Variants in PEAK1 observed in about 807,000 individuals in gnomAD.
PEAK1 encodes the protein pseudopodium enriched atypical kinase 1, also known as inactive tyrosine-protein kinase PEAK1.
PEAK1 carries 54 observed loss-of-function variants against 124.7 expected under a neutral mutation model. The observed-to-expected ratio is 0.43, with a 90% CI of 0.35 to 0.54. The LOEUF is 0.54. PEAK1 is among the 20% of genes least tolerant of loss of function. The pLI is 0.01. For synonymous variants in PEAK1, 719 were observed against 760.0 expected (o/e 0.95, Z 0.89); for missense variants, 2,046 against 2,134.5 (o/e 0.96, Z 0.82).
At chr15:77,184,003 T>C (rs951415602) in intron 6 of PEAK1, among the ~76,000 whole-genome samples, 1 of 150,438 alleles carries the variant, frequency 6.6e-6, no homozygotes, top group Admixed American at 6.9e-5. Context: ...AATTTTTCTA[T>C]TTTTTTTATA....
chr15:77,409,987 G>A (rs1244944164), intron 1 of PEAK1, among the ~76,000 whole-genome samples: 1 of 152,004 alleles, frequency 6.6e-6, no homozygotes, highest in Non-Finnish European at 1.5e-5. Flanking sequence ...TAGAATTCTT[G>A]ACTATTCTTG....
intron 1 of PEAK1, among the ~76,000 whole-genome samples, chr15:77,377,157 A>C (rs970090041): frequency 2.6e-5 from 4 of 152,182 alleles, no homozygotes; most frequent in Non-Finnish European, 5.9e-5. Flanking sequence ...GACCAAGGTG[A>C]GAGGATCACT....
intron 5 of PEAK1, among the ~76,000 whole-genome samples, chr15:77,265,732 T>C (rs1279923102): frequency 2.0e-5 from 3 of 151,976 alleles, no homozygotes; most frequent in Non-Finnish European, 4.4e-5. Context: ...GAAATACCAT[T>C]TGACCCAGCC....
intron 1 of PEAK1, among the ~76,000 whole-genome samples, chr15:77,377,941 T>C (rs1229442996): frequency 6.6e-6 from 1 of 152,118 alleles, no homozygotes; most frequent in Non-Finnish European, 1.5e-5. Flanking sequence ...TTACTTCACC[T>C]AATAAAACTT....
At chr15:77,302,880 T>C (rs1373151316) in intron 2 of PEAK1, among the ~76,000 whole-genome samples, 2 of 152,188 alleles carry the variant, frequency 1.3e-5, no homozygotes, top group Non-Finnish European at 2.9e-5. Context: ...AGTATCATAC[T>C]TATCACCCTA....
intron 5 of PEAK1, among the ~76,000 whole-genome samples, chr15:77,259,921 A>G (rs776339615): frequency 1.3e-5 from 2 of 152,182 alleles, no homozygotes; most frequent in Non-Finnish European, 2.9e-5. Flanking sequence ...AATTCCAGAG[A>G]AGAGGGAGAC....
chr15:77,283,080 C>T (rs1168884009), intron 5 of PEAK1, among the ~76,000 whole-genome samples: 1 of 152,124 alleles, frequency 6.6e-6, no homozygotes, highest in Admixed American at 6.5e-5. Context: ...CTCTGTAGGG[C>T]AGGGCATCAG....
Position 77,179,722 on chromosome 15 carries a change from C to T in PEAK1, c.2205G>A (p.Gln735=). The part of the protein sequence containing the change: ...SSSHSSPAKI[Q]RATQEPVAKI... The stretch of plus-strand genomic sequence containing the variant: ...TGGCCACAGGCTCTTGAGTGGCTCT[C>T]TGGATCTTTGCTGGGGAGCTGTGGC... Residue 735 remains glutamine, a synonymous_variant, in exon 7 of 10, where the codon CAG becomes CAA. Coordinates refer to ENST00000682557, the MANE Select transcript of PEAK1 (RefSeq NM_001385026.1). 6.2e-7 allele frequency: 1 copy of T among 1,614,056 alleles called. No individual in the cohort carries two copies. Among genetic ancestry groups the T allele is most frequent in the Non-Finnish European group, 8.5e-7 (1 of 1,180,002 alleles).
chr15:77,233,158 C>A (rs940850714), intron 6 of PEAK1, among the ~76,000 whole-genome samples: 1 of 152,206 alleles, frequency 6.6e-6, no homozygotes, highest in African/African-American at 2.4e-5. Context: ...CCCTTGTACT[C>A]CGGTTTCCCT....
intron 5 of PEAK1, among the ~76,000 whole-genome samples, chr15:77,269,556 A>G (rs1344375765): frequency 1.3e-5 from 2 of 152,176 alleles, no homozygotes; most frequent in African/African-American, 4.8e-5. Flanking sequence ...ATAGGCAACA[A>G]CAAAATAATA....
intron 8 of PEAK1, among the ~76,000 whole-genome samples, chr15:77,145,539 TAC>T (rs1485484072): frequency 6.6e-6 from 1 of 152,132 alleles, no homozygotes; most frequent in Non-Finnish European, 1.5e-5. Flanking sequence ...AGGTAATCAT[TAC>T]AGTCTTAGGG....
intron 1 of PEAK1, chr15:77,419,184 T>G (rs2073140721): frequency 4.1e-6 from 4 of 985,058 alleles, no homozygotes; most frequent in Non-Finnish European, 4.8e-6. Flanking sequence ...AAAGTAACAT[T>G]TAACAGGCCA....
chr15:77,323,759 T>C (rs2065392288), intron 2 of PEAK1, among the ~76,000 whole-genome samples: 1 of 152,134 alleles, frequency 6.6e-6, no homozygotes, highest in South Asian at 2.1e-4. Context: ...CCAATGACTT[T>C]CTTCACAGAA....
At chr15:77,272,667 TTCTA>T (rs2062098874) in intron 5 of PEAK1, among the ~76,000 whole-genome samples, 1 of 152,192 alleles carries the variant, frequency 6.6e-6, no homozygotes, top group Non-Finnish European at 1.5e-5. Flanking sequence ...CACAGCTGAA[TTCTA>T]TCAGACATTT....
At chr15:77,252,226 G>C in intron 6 of PEAK1, 141 bp downstream of exon 6, 1 of 394,598 alleles carries the variant, frequency 2.5e-6, no homozygotes, top group Non-Finnish European at 3.4e-6. Flanking sequence ...CCAAAGCCTG[G>C]TTATGCTAAA....
At chr15:77,169,769 A>T (rs1261933462) in intron 7 of PEAK1, among the ~76,000 whole-genome samples, 1 of 152,212 alleles carries the variant, frequency 6.6e-6, no homozygotes, top group East Asian at 1.9e-4. Flanking sequence ...AGGTTGAATC[A>T]TCCAACATTT....
Position 77,109,187 on chromosome 15 carries a change from C to T in PEAK1, c.*4969G>A, listed in dbSNP as rs920941491. The T allele has an allele frequency of 6.6e-6, 1 of 152,196 alleles. No homozygotes were observed. Among genetic ancestry groups the T allele is most frequent in the African/African-American group, 2.4e-5 (1 of 41,452 alleles). 9.4% of individuals were successfully genotyped at this position (152,196 alleles called of 1,614,324 possible). Reference sequence around the variant, plus strand: ...TACCATATCTCTTTAAAAAAATCTTCCGCTCTCAGTATTATATGATGTTCT... The same window carrying T: ...TACCATATCTCTTTAAAAAAATCTTTCGCTCTCAGTATTATATGATGTTCT... On this transcript the variant is annotated 3_prime_UTR_variant, in exon 10 of 10. Coordinates refer to ENST00000682557, the MANE Select transcript of PEAK1 (RefSeq NM_001385026.1).
Position 77,114,981 on chromosome 15 carries a change from A to C in PEAK1, c.4416T>G (p.Ala1472=). ...ITREVPCLTV[A]DFVRDSLAQH... ...GGGCCAGAGAGTCTCGCACAAAATC[A>C]GCCACAGTAAGACATGGAACCTCCC... The change falls in exon 10 of 10, where the codon GCT becomes GCG. Residue 1472 remains alanine (A), a synonymous_variant. Transcript: ENST00000682557. 5 of 1,614,164 alleles carry C rather than the reference A, an allele frequency of 3.1e-6. No individual in the cohort carries two copies. Among genetic ancestry groups the C allele is most frequent in the Non-Finnish European group, 4.2e-6 (5 of 1,180,028 alleles).
At position 77,181,266 on chromosome 15, in the gene PEAK1, C is replaced by T. The variant is rs761143003; in HGVS notation, c.661G>A (p.Glu221Lys). The change falls in exon 7 of 10, where the codon GAA becomes AAA. Residue 221 changes from glutamate to lysine, a missense_variant. Coordinates refer to ENST00000682557, the MANE Select transcript of PEAK1 (RefSeq NM_001385026.1). Reference sequence around the variant, plus strand: ...TCTGGGTAACAGAACCGGCCCCCTTCATTACTAATCACTTCTGTGCTCCCA... The same window carrying T: ...TCTGGGTAACAGAACCGGCCCCCTTTATTACTAATCACTTCTGTGCTCCCA... Reference protein sequence around the residue: ...LSGSTEVISNEGGRFCYPEFS... With the variant: ...LSGSTEVISNKGGRFCYPEFS... 6.2e-7 allele frequency: 1 copy of T among 1,613,990 alleles called. No homozygotes were observed. The highest frequency in any genetic ancestry group is 1.1e-5 in the South Asian group (1 of 91,078).
Sources: allele counts gnomAD v4.1 joint callset (sites outside exome capture counted in the v4.1 genomes callset), GRCh38; gene constraint gnomAD v4.1.1; transcripts MANE v1.5; gene names NCBI Gene and HGNC (gene_info 2026-07-23, HGNC 2026-07-21).